COP1: variants seen among roughly 807,000 people sequenced by gnomAD.
COP1 encodes the protein COP1 E3 ubiquitin ligase, also known as E3 ubiquitin-protein ligase COP1.
In COP1, 24 loss-of-function variants were observed where a neutral mutation model predicts 101.3. That is an observed-to-expected ratio of 0.24 (90% confidence interval 0.17 to 0.33). COP1 has a LOEUF of 0.33. COP1 is among the 10% of genes least tolerant of loss of function. The pLI is 1.00. For missense variants in COP1, 663 were observed against 906.2 expected, an observed-to-expected ratio of 0.73 and a Z score of 3.45; for synonymous variants, 347 against 341.9, an observed-to-expected ratio of 1.01 and a Z score of -0.17.
At chr1:176,130,191 T>G (rs1475177331) in intron 8 of COP1, among the ~76,000 whole-genome samples, 1 of 151,752 alleles carries the variant, frequency 6.6e-6, no homozygotes, top group African/African-American at 2.4e-5. Context: ...AAAAATGTTT[T>G]GCTTTATTAT....
At chr1:175,975,657 C>T (rs1654358204) in intron 18 of COP1, among the ~76,000 whole-genome samples, 2 of 152,142 alleles carry the variant, frequency 1.3e-5, no homozygotes, top group Admixed American at 1.3e-4. Flanking sequence ...GATCCACCCA[C>T]CTCGACCTCC....
At chr1:175,962,861 C>T (rs929984513) in intron 18 of COP1, among the ~76,000 whole-genome samples, 1 of 151,802 alleles carries the variant, frequency 6.6e-6, no homozygotes, top group African/African-American at 2.4e-5. Context: ...CTTGGAAAAG[C>T]AGAAAAAAAA....
At chr1:176,009,327 C>G (rs1571642692) in intron 15 of COP1, among the ~76,000 whole-genome samples, 1 of 152,022 alleles carries the variant, frequency 6.6e-6, no homozygotes, top group Non-Finnish European at 1.5e-5. Context: ...TTTCACAATT[C>G]AAAAACATTT....
chr1:176,028,818 A>G (rs527950237), intron 14 of COP1, among the ~76,000 whole-genome samples: 1 of 149,926 alleles, frequency 6.7e-6, no homozygotes, highest in Non-Finnish European at 1.5e-5. Flanking sequence ...CAGTGGCACA[A>G]TCATGCCTCA....
chr1:176,049,388 T>C (rs1464571965), intron 11 of COP1, among the ~76,000 whole-genome samples: 1 of 152,156 alleles, frequency 6.6e-6, no homozygotes, highest in Non-Finnish European at 1.5e-5. Context: ...ATTTTGGTTA[T>C]GTTTTGTTTT....
At chr1:176,204,177 C>T (rs539675703) in intron 1 of COP1, among the ~76,000 whole-genome samples, 1 of 152,268 alleles carries the variant, frequency 6.6e-6, no homozygotes, top group African/African-American at 2.4e-5. Flanking sequence ...TTTGTCCTTA[C>T]CTGTCCAACG....
intron 14 of COP1, among the ~76,000 whole-genome samples, chr1:176,042,562 C>CAAAAA (rs1171580353): frequency 1.9e-5 from 1 of 53,100 alleles, no homozygotes; most frequent in African/African-American, 7.9e-5. Flanking sequence ...GAATCCGTCT[C>CAAAAA]AAAAAAAAAA....
intron 9 of COP1, among the ~76,000 whole-genome samples, chr1:176,092,299 T>C (rs1307204469): frequency 6.6e-6 from 1 of 152,144 alleles, no homozygotes; most frequent in African/African-American, 2.4e-5. Flanking sequence ...CCATGTAATA[T>C]GTTACTGGAT....
At chr1:176,034,104 A>G (rs985998694) in intron 14 of COP1, among the ~76,000 whole-genome samples, 2 of 152,190 alleles carry the variant, frequency 1.3e-5, no homozygotes, top group Non-Finnish European at 2.9e-5. Flanking sequence ...AAGCAACTAT[A>G]TGAGGAAACT....
At chr1:176,127,175 G>A (rs907840858) in intron 8 of COP1, among the ~76,000 whole-genome samples, 1 of 152,038 alleles carries the variant, frequency 6.6e-6, no homozygotes, top group African/African-American at 2.4e-5. Context: ...TCAGAGTATA[G>A]CATATCCACC....
intron 9 of COP1, among the ~76,000 whole-genome samples, chr1:176,114,792 T>C (rs1274398242): frequency 6.6e-6 from 1 of 152,200 alleles, no homozygotes; most frequent in Non-Finnish European, 1.5e-5. Flanking sequence ...CTCACCATGT[T>C]GCCCAGGCTA....
intron 8 of COP1, among the ~76,000 whole-genome samples, chr1:176,127,676 T>TTG (rs151172381): frequency 0.037 from 5,578 of 152,148 alleles, 155 homozygotes; most frequent in Non-Finnish European, 0.059. Flanking sequence ...AATACTTAGG[T>TTG]TGTTTGCATG....
chr1:176,083,112 A>C (rs1217668347), intron 10 of COP1, among the ~76,000 whole-genome samples: 2 of 152,208 alleles, frequency 1.3e-5, no homozygotes, highest in African/African-American at 4.8e-5. Flanking sequence ...TAAAAATCCC[A>C]ACTGTACTGC....
chr1:176,018,409 A>G (rs1178016808), intron 15 of COP1: 1 of 152,206 alleles, frequency 6.6e-6, no homozygotes, highest in African/African-American at 2.4e-5. Context: ...AGTAGCAGAA[A>G]CATTAAAAAA....
chr1:175,951,631 T>C (rs1649936092), intron 18 of COP1, among the ~76,000 whole-genome samples: 1 of 151,824 alleles, frequency 6.6e-6, no homozygotes. Context: ...ATAATCACCC[T>C]GGTTTTCTAC....
chr1:175,991,549 C>T (rs533046027), intron 15 of COP1, among the ~76,000 whole-genome samples: 4 of 152,236 alleles, frequency 2.6e-5, no homozygotes, highest in African/African-American at 9.6e-5. Context: ...GTTCTCCCTT[C>T]AGAAATAAAT....
At chr1:176,072,920 A>C (rs1412096839) in intron 11 of COP1, among the ~76,000 whole-genome samples, 1 of 152,212 alleles carries the variant, frequency 6.6e-6, no homozygotes, top group Non-Finnish European at 1.5e-5. Flanking sequence ...TCAGAACCTC[A>C]AAAGAATTAA....
intron 9 of COP1, among the ~76,000 whole-genome samples, chr1:176,107,527 A>AAT (rs1308911411): frequency 1.3e-5 from 2 of 152,144 alleles, no homozygotes; most frequent in Admixed American, 6.5e-5. Context: ...TTAGTAACAG[A>AAT]ATATATATAT....
chr1:175,958,478 T>C (rs1650946583), intron 18 of COP1, among the ~76,000 whole-genome samples: 1 of 152,004 alleles, frequency 6.6e-6, no homozygotes, highest in Non-Finnish European at 1.5e-5. Flanking sequence ...CATTCCTCTC[T>C]CCCTGTTCAA....
Sources: gnomAD v4.1 joint callset for allele counts (sites outside exome capture counted in the v4.1 genomes callset) on GRCh38, gnomAD v4.1.1 for gene constraint, MANE v1.5 for transcripts, NCBI Gene and HGNC (gene_info 2026-07-23, HGNC 2026-07-21) for gene names.